The following NCALD variants were observed in gnomAD, a reference collection of about 807,000 sequenced individuals.
NCALD encodes neurocalcin-delta.
A neutral mutation model predicts 18.6 loss-of-function variants in NCALD; 10 were observed. That is an observed-to-expected ratio of 0.54 (90% CI 0.33 to 0.91). The LOEUF is 0.91. NCALD is among the 40% of genes least tolerant of loss of function. The probability of loss-of-function intolerance (pLI) is 0.03; values close to 1 mark genes in which losing one functional copy is unlikely to be tolerated. For missense variants in NCALD, 184 were observed against 247.6 expected, an observed-to-expected ratio of 0.74 and a Z score of 1.72; for synonymous variants, 88 against 87.4, an observed-to-expected ratio of 1.01 and a Z score of -0.04.
intron 1 of NCALD, among the ~76,000 whole-genome samples, chr8:102,079,043 T>C (rs1824440169): frequency 6.6e-6 from 1 of 152,304 alleles, no homozygotes; most frequent in East Asian, 1.9e-4. Context: ...GCTGAGAAGA[T>C]ACAGAGAAGC....
At chr8:101,926,731 T>A (rs924438121) in intron 2 of NCALD, among the ~76,000 whole-genome samples, 7 of 152,144 alleles carry the variant, frequency 4.6e-5, no homozygotes, top group African/African-American at 1.7e-4. Flanking sequence ...AGTGTTAGCA[T>A]GTCATAAACA....
At chr8:101,865,620 C>T (rs1426896486) in intron 4 of NCALD, among the ~76,000 whole-genome samples, 1 of 151,860 alleles carries the variant, frequency 6.6e-6, no homozygotes, top group African/African-American at 2.4e-5. Context: ...TCTCCTCTCT[C>T]TTTCTGGGTG....
At chr8:101,874,336 TC>T (rs1213030233) in intron 4 of NCALD, among the ~76,000 whole-genome samples, 1 of 151,968 alleles carries the variant, frequency 6.6e-6, no homozygotes, top group East Asian at 1.9e-4. Flanking sequence ...GAGGAGAAAA[TC>T]TAGAATCTGA....
In NCALD at chr8:101,892,391, G is replaced by C. The variant is rs1022208129; in HGVS notation, c.-106-5164C>G. 1.1e-4 allele frequency among the ~76,000 whole-genome samples: 17 copies of C among 148,476 alleles called. 1 individual carries two copies. The highest frequency in any genetic ancestry group is 2.4e-4 in the African/African-American group (9 of 38,284). On this transcript the variant is annotated intron_variant, in intron 3 of 6. Transcript: ENST00000311028. ...TCACCATTATCAAAGACCAAAAGTA[G>C]ATAAAACCACAAAGACGGGGAAAAA...
intron 2 of NCALD, among the ~76,000 whole-genome samples, chr8:101,971,656 G>A (rs570988909): frequency 9.2e-5 from 14 of 152,122 alleles, no homozygotes; most frequent in African/African-American, 3.1e-4. Flanking sequence ...CCAGCCTCAG[G>A]TATGTCTTTA....
chr8:101,991,437 G>A (rs1010158561), intron 2 of NCALD, among the ~76,000 whole-genome samples: 3 of 152,158 alleles, frequency 2.0e-5, no homozygotes, highest in African/African-American at 4.8e-5. Flanking sequence ...ACCTTAAAAT[G>A]AAAAACTTTC....
intron 2 of NCALD, among the ~76,000 whole-genome samples, chr8:101,700,183 C>T (rs1333519983): frequency 1.3e-5 from 2 of 151,984 alleles, no homozygotes; most frequent in Non-Finnish European, 2.9e-5. Context: ...GTCCCAGCCT[C>T]CTGAGTTGCT....
At chr8:101,835,240 T>C (rs1308691065) in intron 4 of NCALD, among the ~76,000 whole-genome samples, 4 of 152,234 alleles carry the variant, frequency 2.6e-5, no homozygotes, top group African/African-American at 9.6e-5. Context: ...GCTTTCTATC[T>C]CAGGTGGTGC....
At chr8:101,798,862 A>T (rs1812736472) in intron 4 of NCALD, among the ~76,000 whole-genome samples, 1 of 152,250 alleles carries the variant, frequency 6.6e-6, no homozygotes, top group African/African-American at 2.4e-5. Context: ...CATAAATATG[A>T]CCAATGGATT....
At chr8:101,787,776 A>C (rs1812286409) in intron 1 of NCALD, among the ~76,000 whole-genome samples, 2 of 152,190 alleles carry the variant, frequency 1.3e-5, no homozygotes, top group Non-Finnish European at 2.9e-5. Flanking sequence ...GACCTCTGTC[A>C]GATAAACCTT....
Position 102,002,320 on chromosome 8 carries a change from G to A in NCALD, c.-157+17917C>T, listed in dbSNP as rs1160083695. ...GGTAAAGGGATCAATTCAACAAGAA[G>A]AGCTAACTATCCTAAATATATATGC... On this transcript the variant is annotated intron_variant, in intron 2 of 6. Transcript: ENST00000311028. Among the ~76,000 whole-genome samples, 6 of 152,164 alleles carry A rather than the reference G, an allele frequency of 3.9e-5. No individual in the cohort carries two copies. The East Asian group carries it at 1.2e-3, about 29-fold the overall frequency.
At chr8:101,879,456 G>A (rs1000561615) in intron 4 of NCALD, among the ~76,000 whole-genome samples, 5 of 152,178 alleles carry the variant, frequency 3.3e-5, no homozygotes, top group African/African-American at 1.2e-4. Flanking sequence ...CAAAAGTGAG[G>A]CTGCAGACCT....
At chr8:101,840,009 A>C (rs1052137957) in intron 4 of NCALD, among the ~76,000 whole-genome samples, 1 of 152,168 alleles carries the variant, frequency 6.6e-6, no homozygotes, top group Non-Finnish European at 1.5e-5. Context: ...AACAGCTATT[A>C]ATAGTAAGGA....
chr8:102,024,857 TAAG>T (rs1217288047), intron 1 of NCALD, among the ~76,000 whole-genome samples: 1 of 152,190 alleles, frequency 6.6e-6, no homozygotes, highest in Non-Finnish European at 1.5e-5. Flanking sequence ...CTGCTGCTTC[TAAG>T]AAGAACTCAA....
intron 1 of NCALD, among the ~76,000 whole-genome samples, chr8:101,785,136 A>T (rs897957487): frequency 6.6e-6 from 1 of 152,188 alleles, no homozygotes; most frequent in Admixed American, 6.5e-5. Context: ...TCTGTGCCTC[A>T]ATTTCCTCAT....
At chr8:101,747,751 C>T (rs1453109059) in intron 1 of NCALD, among the ~76,000 whole-genome samples, 2 of 148,620 alleles carry the variant, frequency 1.3e-5, no homozygotes, top group Non-Finnish European at 3.0e-5. Context: ...GAGTTTCACT[C>T]TTGTTGCCCA....
chr8:101,822,291 T>C (rs895584417), intron 4 of NCALD, among the ~76,000 whole-genome samples: 8 of 152,182 alleles, frequency 5.3e-5, no homozygotes, highest in African/African-American at 1.9e-4. Flanking sequence ...CAAGTGAACA[T>C]TTATTCATTC....
intron 4 of NCALD, among the ~76,000 whole-genome samples, chr8:101,801,109 A>G (rs1384239752): frequency 6.6e-6 from 1 of 152,096 alleles, no homozygotes; most frequent in African/African-American, 2.4e-5. Flanking sequence ...AAAGAAAGAG[A>G]AAGAAACAAA....
intron 1 of NCALD, among the ~76,000 whole-genome samples, chr8:102,095,456 G>A (rs115677770): frequency 6.6e-6 from 1 of 152,300 alleles, no homozygotes; most frequent in African/African-American, 2.4e-5. Flanking sequence ...ACTTGGACCT[G>A]TGTTTTGATT....
Sources: gnomAD v4.1 joint callset for allele counts (sites outside exome capture counted in the v4.1 genomes callset) on GRCh38, gnomAD v4.1.1 for gene constraint, MANE v1.5 for transcripts, NCBI Gene and HGNC (gene_info 2026-07-23, HGNC 2026-07-21) for gene names.